RSRP1: variants seen among roughly 807,000 people sequenced by gnomAD.
RSRP1 encodes arginine/serine-rich protein 1.
RSRP1 carries 37 observed loss-of-function variants against 33.0 expected under a neutral mutation model. That is an observed-to-expected ratio of 1.12 (90% CI 0.86 to 1.48). RSRP1 has a LOEUF of 1.48. Ranked by LOEUF, RSRP1 falls within the 40% of genes most tolerant of loss-of-function variation. The pLI is 0.00. For synonymous variants in RSRP1, 167 were observed against 158.7 expected, an observed-to-expected ratio of 1.05 and a Z score of -0.40; for missense variants, 402 against 385.3, an observed-to-expected ratio of 1.04 and a Z score of -0.36.
At chr1:25,319,882 C>T (rs2124129652) in intron 1 of RSRP1, among the ~76,000 whole-genome samples, 1 of 131,436 alleles carries the variant, frequency 7.6e-6, no homozygotes, top group African/African-American at 2.6e-5. Context: ...AAGAGCCTAA[C>T]AGAGGAAGAG....
intron 1 of RSRP1, among the ~76,000 whole-genome samples, chr1:25,336,623 C>A (rs1171209057): frequency 2.0e-5 from 3 of 149,512 alleles, no homozygotes; most frequent in Admixed American, 6.6e-5. Context: ...GGGCAAAAAA[C>A]GCAAAGAGAA....
Position 25,306,608 on chromosome 1 carries a change from C to A in RSRP1, c.-67+31370G>T, listed in dbSNP as rs760262848. 8 of 1,378,000 alleles carry A rather than the reference C, an allele frequency of 5.8e-6. 2 individuals carry two copies. Among genetic ancestry groups the A allele is most frequent in the Non-Finnish European group, 8.2e-6 (8 of 978,596 alleles). The allele number at this position is 1,378,000 out of a possible 1,614,324, so 85.4% of individuals were successfully genotyped here. A position where few individuals can be genotyped will look rare whatever the true frequency, so the allele number is the denominator to read the frequency against. ...CACTTGTCCACAGGGGTGTTGTAAC[C>A]GAGTGCTGGGGATTCCCCACAGCTC... On this transcript the variant is annotated intron_variant, in intron 1 of 1. Coordinates refer to the RSRP1 transcript ENST00000561867.
At chr1:25,308,291 C>T (rs1316019793) in intron 1 of RSRP1, among the ~76,000 whole-genome samples, 1 of 113,342 alleles carries the variant, frequency 8.8e-6, no homozygotes, top group East Asian at 2.0e-4. Flanking sequence ...TGGTTCTCCA[C>T]AGCACCTGCA....
At chr1:25,254,656 G>A (rs1452277050) in intron 1 of RSRP1, among the ~76,000 whole-genome samples, 1 of 151,958 alleles carries the variant, frequency 6.6e-6, no homozygotes, top group African/African-American at 2.4e-5. Flanking sequence ...GGCTGGTCTC[G>A]AACTCCTGAT....
In RSRP1 at chr1:25,299,355, C is replaced by A. The variant is rs1452255239; in HGVS notation, c.-67+38623G>T. ...CAAGATGGCACCAGTGCACTCTAGC[C>A]TGGCGACAGAGTGAGACTCCGTCTC... On this transcript the variant is annotated intron_variant, in intron 1 of 1. Coordinates refer to the RSRP1 transcript ENST00000561867. 7.6e-5 allele frequency among the ~76,000 whole-genome samples: 10 copies of A among 130,844 alleles called. 3 individuals carry two copies. Among genetic ancestry groups the A allele is most frequent in the Non-Finnish European group, 1.6e-4 (9 of 55,578 alleles). 85.8% of individuals were successfully genotyped at this position (130,844 alleles called of 152,430 possible). A position where few individuals can be genotyped will look rare whatever the true frequency, so the allele number is the denominator to read the frequency against.
chr1:25,320,945 G>C lies in RSRP1; in HGVS notation c.-67+17033C>G. ...TGTGGTCCCAGCTACTTGGGAGGCT[G>C]AGGTGGGAGGGTTGCTTGACCCCGG... On this transcript the variant is annotated intron_variant, in intron 1 of 1. Transcript: ENST00000561867. Among the ~76,000 whole-genome samples the C allele has an allele frequency of 1.5e-5, 2 of 131,778 alleles. 1 individual carries two copies. The highest frequency in any genetic ancestry group is 3.6e-5 in the Non-Finnish European group (2 of 55,638). The allele number at this position is 131,778 out of a possible 152,430, so 86.5% of individuals were successfully genotyped here.
At chr1:25,304,385 G>A (rs1643629407) in intron 1 of RSRP1, 1 of 126,348 alleles carries the variant, frequency 7.9e-6, no homozygotes, top group African/African-American at 2.7e-5. Flanking sequence ...GATGGCCTGA[G>A]GTCAGGAGTT....
rs760690621 is a variant in RSRP1, at chr1:25,243,556, G to A, written c.750C>T (p.Ser250=). 3.7e-6 allele frequency: 6 copies of A among 1,613,512 alleles called. No homozygotes were observed. In the African/African-American group the frequency reaches 6.7e-5, roughly 18 times the overall value. ...AATGCCTGGATATACTTACATTAGA[G>A]CTAAAAGCTATGCTTCTTTGCTGGG... is the stretch of plus-strand genomic sequence containing the variant. ...KPTQQRSIAF[S]SNNSVAKPIQ... The change falls in exon 4 of 5, where the codon AGC becomes AGT. Residue 250 remains serine (S), a synonymous_variant. Transcript: ENST00000243189.
Position 25,283,503 on chromosome 1 carries a change from C to T in RSRP1, c.-66-36474G>A, listed in dbSNP as rs1379945790. ...CCAAGATCTTGCCACTGTACTCCAG[C>T]CTGGGTGACGAGTGAAACTCTATCT... On this transcript the variant is annotated intron_variant, in intron 1 of 1. Transcript: ENST00000561867. Among the ~76,000 whole-genome samples, 22 of 126,684 alleles carry T rather than the reference C, an allele frequency of 1.7e-4. 4 individuals are homozygous for T. The highest frequency in any genetic ancestry group is 3.6e-5 in the Non-Finnish European group (2 of 55,080). The allele number at this position is 126,684 out of a possible 152,430, so 83.1% of individuals were successfully genotyped here. A position where few individuals can be genotyped will look rare whatever the true frequency, so the allele number is the denominator to read the frequency against.
intron 1 of RSRP1, among the ~76,000 whole-genome samples, chr1:25,320,223 G>A (rs1254298710): frequency 7.6e-6 from 1 of 131,712 alleles, no homozygotes; most frequent in African/African-American, 2.6e-5. Context: ...CTGGACACAA[G>A]AACACAAAAC....
intron 1 of RSRP1, chr1:25,336,078 T>C (rs1465877737): frequency 3.1e-5 from 1 of 32,336 alleles, no homozygotes; most frequent in Non-Finnish European, 7.4e-5. Flanking sequence ...CCACCACACC[T>C]GGCCGCAACT....
chr1:25,314,666 G>T (rs112878563), intron 1 of RSRP1, among the ~76,000 whole-genome samples: 1 of 130,766 alleles, frequency 7.6e-6, no homozygotes, highest in Non-Finnish European at 1.8e-5. Flanking sequence ...GCTAACTTCT[G>T]TATAGACAAA....
In RSRP1 at chr1:25,332,228, G is replaced by A. The variant is rs1163568797; in HGVS notation, c.-67+5750C>T. ...CTTTTTGTATTTTTAGTAGAAATGG[G>A]GTTTCACCATGTTGGCCAGGATGGT... is the stretch of plus-strand genomic sequence containing the variant. On this transcript the variant is annotated intron_variant, in intron 1 of 1. Coordinates refer to the RSRP1 transcript ENST00000561867. Among the ~76,000 whole-genome samples, 5 of 127,662 alleles carry A rather than the reference G, an allele frequency of 3.9e-5. 2 individuals are homozygous for A. Among genetic ancestry groups the A allele is most frequent in the Admixed American group, 3.8e-4 (5 of 13,052 alleles). 83.8% of individuals were successfully genotyped at this position (127,662 alleles called of 152,430 possible).
chr1:25,254,919 G>GAGAC (rs1291431946), intron 1 of RSRP1, among the ~76,000 whole-genome samples: 1 of 152,212 alleles, frequency 6.6e-6, no homozygotes, highest in African/African-American at 2.4e-5. Context: ...AACTGAGAAT[G>GAGAC]AGACAGTCAC....
At chr1:25,243,084 ACT>A (rs1277541348) in intron 4 of RSRP1, among the ~76,000 whole-genome samples, 3 of 151,732 alleles carry the variant, frequency 2.0e-5, no homozygotes, top group African/African-American at 4.9e-5. Context: ...ACAGAGCAAG[ACT>A]CTGTCTCAAA....
At chr1:25,248,061 CG>C (rs1382256463), upstream of RSRP1, 1 of 152,366 alleles carries the variant, frequency 6.6e-6, no homozygotes, top group African/African-American at 2.4e-5. Flanking sequence ...CACCCTCCCC[CG>C]GAACACCCCA....
rs1302522386 is a variant in RSRP1, at chr1:25,270,306, G to A, written c.-66-23277C>T. ...TGGAAGAAGACTTAGAAGTAATCTA[G>A]GCTGGGGGTCCCCAACCCCCAGGCT... On this transcript the variant is annotated intron_variant, in intron 1 of 1. Coordinates refer to the RSRP1 transcript ENST00000561867. Among the ~76,000 whole-genome samples, 5 of 129,442 alleles carry A rather than the reference G, an allele frequency of 3.9e-5. 1 individual carries two copies. The highest frequency in any genetic ancestry group is 9.1e-5 in the Non-Finnish European group (5 of 54,972). The allele number at this position is 129,442 out of a possible 152,430, so 84.9% of individuals were successfully genotyped here. A position where few individuals can be genotyped will look rare whatever the true frequency, so the allele number is the denominator to read the frequency against.
Position 25,278,253 on chromosome 1 carries a change from C to A in RSRP1, c.-66-31224G>T, listed in dbSNP as rs543635980. On this transcript the variant is annotated intron_variant, in intron 1 of 1. Coordinates refer to the RSRP1 transcript ENST00000561867. ...GATTTGGCATAGAGAGGTGCCAGTT[C>A]CTGAGATGAGAGACAGAAGGGGAGG... Among the ~76,000 whole-genome samples the A allele has an allele frequency of 1.9e-4, 25 of 129,480 alleles. 3 individuals carry two copies. Among genetic ancestry groups the A allele is most frequent in the African/African-American group, 5.5e-4 (21 of 38,142 alleles). 84.9% of individuals were successfully genotyped at this position (129,480 alleles called of 152,430 possible). A position where few individuals can be genotyped will look rare whatever the true frequency, so the allele number is the denominator to read the frequency against.
Position 25,331,391 on chromosome 1 carries a change from G to A in RSRP1, c.-67+6587C>T, listed in dbSNP as rs1219000105. Among the ~76,000 whole-genome samples, 41 of 131,386 alleles carry A rather than the reference G, an allele frequency of 3.1e-4. 5 individuals carry two copies. Among genetic ancestry groups the A allele is most frequent in the African/African-American group, 1.0e-3 (39 of 38,682 alleles). The allele number at this position is 131,386 out of a possible 152,430, so 86.2% of individuals were successfully genotyped here. On this transcript the variant is annotated intron_variant, in intron 1 of 1. Coordinates refer to the RSRP1 transcript ENST00000561867. ...AAATATAGTCACTTTAGGGGTTAGG[G>A]CTTCAAAAGATGAATCTGAGGGAGC...
Sources: allele counts gnomAD v4.1 joint callset (sites outside exome capture counted in the v4.1 genomes callset), GRCh38; gene constraint gnomAD v4.1.1; transcripts MANE v1.5; gene names NCBI Gene and HGNC (gene_info 2026-07-23, HGNC 2026-07-21).